The following MAD1L1 variants were observed in gnomAD, a reference collection of about 807,000 sequenced individuals.
The protein encoded by MAD1L1 is mitotic spindle assembly checkpoint protein MAD1.
In MAD1L1, 95 loss-of-function variants were observed where a neutral mutation model predicts 96.9. The observed-to-expected ratio is 0.98, with a 90% CI of 0.83 to 1.16. MAD1L1 has a LOEUF of 1.16. Among genes scored for constraint, MAD1L1 ranks in the 50% most tolerant of loss-of-function variants. The pLI, the probability that MAD1L1 is intolerant of heterozygous loss-of-function variation, is 0.00. For synonymous variants in MAD1L1, 473 were observed against 396.6 expected (o/e 1.19, Z -2.29); for missense variants, 1,007 against 954.4 (o/e 1.06, Z -0.73).
intron 17 of MAD1L1, among the ~76,000 whole-genome samples, chr7:1,912,212 G>C (rs999906970): frequency 6.6e-6 from 1 of 152,226 alleles, no homozygotes; most frequent in Non-Finnish European, 1.5e-5. Flanking sequence ...GTGTGTGTCA[G>C]CAGTGGAAAC....
At chr7:1,897,392 C>T (rs1048444847) in intron 18 of MAD1L1, among the ~76,000 whole-genome samples, 3 of 152,224 alleles carry the variant, frequency 2.0e-5, no homozygotes, top group African/African-American at 7.2e-5. Flanking sequence ...CCCCCTCCAC[C>T]CTTCCTGAAG....
intron 16 of MAD1L1, among the ~76,000 whole-genome samples, chr7:1,939,937 G>C (rs1372893723): frequency 6.6e-6 from 1 of 152,240 alleles, no homozygotes; most frequent in Non-Finnish European, 1.5e-5. Context: ...AACAGGGAGA[G>C]AGGAGAGGAT....
chr7:2,092,118 T>C (rs946399063), intron 11 of MAD1L1, among the ~76,000 whole-genome samples: 2 of 152,168 alleles, frequency 1.3e-5, no homozygotes, highest in Non-Finnish European at 2.9e-5. Context: ...TGCGTGAGAG[T>C]TCCTGTGGCT....
chr7:1,909,076 C>T (rs34269264), intron 17 of MAD1L1, among the ~76,000 whole-genome samples: 45,831 of 152,174 alleles, frequency 0.3, 8,242 homozygotes, highest in East Asian at 0.45. Context: ...CAGGAGGGAA[C>T]GTGCCCAGAC....
intron 13 of MAD1L1, among the ~76,000 whole-genome samples, chr7:2,009,370 C>T (rs759313162): frequency 3.3e-5 from 5 of 152,220 alleles, no homozygotes; most frequent in Admixed American, 2.0e-4. Flanking sequence ...ACCCCACACA[C>T]GGTACAAAGG....
At chr7:1,984,508 T>C (rs756844285) in intron 14 of MAD1L1, among the ~76,000 whole-genome samples, 34 of 152,254 alleles carry the variant, frequency 2.2e-4, no homozygotes, top group Admixed American at 3.9e-4. Flanking sequence ...ACTGGCATCT[T>C]TGACAATTTC....
chr7:2,083,651 G>C (rs1785766898), intron 11 of MAD1L1, among the ~76,000 whole-genome samples: 1 of 152,242 alleles, frequency 6.6e-6, no homozygotes, highest in East Asian at 1.9e-4. Flanking sequence ...AGAGGCAACG[G>C]CATCGGACGC....
At chr7:1,892,680 A>C (rs1478639114) in intron 18 of MAD1L1, among the ~76,000 whole-genome samples, 7 of 152,174 alleles carry the variant, frequency 4.6e-5, no homozygotes, top group African/African-American at 1.7e-4. Context: ...TCCATATGAC[A>C]AACCCGGTAG....
chr7:2,086,657 C>G lies in MAD1L1; in HGVS notation c.1074-17319G>C, dbSNP rs144418506. 6.3e-3 allele frequency among the ~76,000 whole-genome samples: 955 copies of G among 152,314 alleles called. 14 individuals carry two copies. Among genetic ancestry groups the G allele is most frequent in the African/African-American group, 0.022 (911 of 41,564 alleles). ...GCAACCTCCGCCTCCCAGGTTCAAG[C>G]AATTCTGCCTCAGCCTCCAGAGTAG... On this transcript the variant is annotated intron_variant, in intron 11 of 18. Coordinates refer to ENST00000265854, the MANE Select transcript of MAD1L1 (RefSeq NM_001013836.2).
chr7:1,980,129 C>A (rs751019378), intron 15 of MAD1L1, among the ~76,000 whole-genome samples: 1 of 152,128 alleles, frequency 6.6e-6, no homozygotes, highest in African/African-American at 2.4e-5. Context: ...AGGAGGCTGC[C>A]GGTGGACGTG....
At chr7:2,115,911 C>T (rs1162835752) in intron 11 of MAD1L1, among the ~76,000 whole-genome samples, 1 of 152,238 alleles carries the variant, frequency 6.6e-6, no homozygotes, top group African/African-American at 2.4e-5. Flanking sequence ...CTGCCCCAGG[C>T]CCACACCCTC....
chr7:2,221,791 C>G (rs1350687890), intron 5 of MAD1L1, among the ~76,000 whole-genome samples: 1 of 152,172 alleles, frequency 6.6e-6, no homozygotes, highest in East Asian at 1.9e-4. Flanking sequence ...AAAACAACAG[C>G]TATTTCCAGA....
Position 2,034,256 on chromosome 7 carries a change from G to A in MAD1L1, c.1219-19614C>T, listed in dbSNP as rs923536429. 7.4e-5 allele frequency among the ~76,000 whole-genome samples: 11 copies of A among 147,908 alleles called. No homozygotes were observed. The South Asian group carries it at 8.6e-4, about 12-fold the overall frequency. On this transcript the variant is annotated intron_variant, in intron 12 of 18. Coordinates refer to ENST00000265854, the MANE Select transcript of MAD1L1 (RefSeq NM_001013836.2). Reference sequence around the variant, plus strand: ...TTTTTGGAGACGGAGTCTCGCTGTCGCCCAGGCTGGAGTGCAATGGTGTGA... The same window carrying A: ...TTTTTGGAGACGGAGTCTCGCTGTCACCCAGGCTGGAGTGCAATGGTGTGA...
At chr7:2,171,872 G>C (rs917891102) in intron 10 of MAD1L1, among the ~76,000 whole-genome samples, 1 of 152,200 alleles carries the variant, frequency 6.6e-6, no homozygotes, top group East Asian at 1.9e-4. Flanking sequence ...ATGAGACCAC[G>C]CAGCCCAAGA....
intron 17 of MAD1L1, among the ~76,000 whole-genome samples, chr7:1,926,835 TG>T (rs1325138012): frequency 6.6e-6 from 1 of 152,256 alleles, no homozygotes; most frequent in Non-Finnish European, 1.5e-5. Flanking sequence ...CCAGGATCTC[TG>T]TTGCCCCATC....
intron 3 of MAD1L1, among the ~76,000 whole-genome samples, chr7:2,229,157 G>A (rs71525363): frequency 0.27 from 41,069 of 152,182 alleles, 6,952 homozygotes; most frequent in East Asian, 0.51. Flanking sequence ...GGAAGCCAGA[G>A]CCTCCTCTAA....
At chr7:1,819,037 C>T (rs1307399624) in intron 18 of MAD1L1, among the ~76,000 whole-genome samples, 1 of 152,108 alleles carries the variant, frequency 6.6e-6, no homozygotes, top group Non-Finnish European at 1.5e-5. Flanking sequence ...CATTGGGAGG[C>T]TCCACCTCGG....
intron 11 of MAD1L1, among the ~76,000 whole-genome samples, chr7:2,121,702 G>C (rs1787989289): frequency 6.6e-6 from 1 of 152,216 alleles, no homozygotes; most frequent in Non-Finnish European, 1.5e-5. Context: ...CTGGGGGCCA[G>C]GAGTCCTCGA....
intron 11 of MAD1L1, among the ~76,000 whole-genome samples, chr7:2,099,371 C>T (rs890545814): frequency 6.6e-6 from 1 of 152,216 alleles, no homozygotes; most frequent in Non-Finnish European, 1.5e-5. Flanking sequence ...GCCTTGGCTT[C>T]GTTAGCATTC....
Sources: allele counts gnomAD v4.1 joint callset (sites outside exome capture counted in the v4.1 genomes callset), GRCh38; gene constraint gnomAD v4.1.1; transcripts MANE v1.5; gene names NCBI Gene and HGNC (gene_info 2026-07-23, HGNC 2026-07-21).